CLVS1: variants seen among roughly 807,000 people sequenced by gnomAD.
The protein encoded by CLVS1 is clavesin-1.
In CLVS1, 10 loss-of-function variants were observed where a neutral mutation model predicts 33.1. That is an observed-to-expected ratio of 0.30 (90% CI 0.19 to 0.51). The LOEUF is 0.51. CLVS1 is among the 20% of genes least tolerant of loss of function. The pLI is 0.97. For synonymous variants in CLVS1, 163 were observed against 166.1 expected, an observed-to-expected ratio of 0.98 and a Z score of 0.14; for missense variants, 343 against 433.4, an observed-to-expected ratio of 0.79 and a Z score of 1.85.
rs113485205 is a variant in CLVS1 at position 61,148,561 on chromosome 8, G to C, written c.-152+16701G>C. Among the ~76,000 whole-genome samples, 369 of 152,290 alleles carry C rather than the reference G, an allele frequency of 2.4e-3. 2 individuals are homozygous for C. The highest frequency in any genetic ancestry group is 8.4e-3 in the African/African-American group (349 of 41,572). Reference sequence around the variant, plus strand: ...AGATGCCATTTTTAGTTGGCTGAGAGATTAATAATGGAGAGCTAACAAGAT... The same window carrying C: ...AGATGCCATTTTTAGTTGGCTGAGACATTAATAATGGAGAGCTAACAAGAT... On this transcript the variant is annotated intron_variant, in intron 2 of 2. Transcript: ENST00000522621.
chr8:61,195,515 A>T (rs1319833874), intron 2 of CLVS1, among the ~76,000 whole-genome samples: 3 of 151,660 alleles, frequency 2.0e-5, no homozygotes, highest in Non-Finnish European at 4.4e-5. Flanking sequence ...TTTCCCTATG[A>T]TGTGCTTATT....
At chr8:61,392,457 A>G (rs780686294) in intron 3 of CLVS1, among the ~76,000 whole-genome samples, 3 of 152,196 alleles carry the variant, frequency 2.0e-5, no homozygotes, top group African/African-American at 4.8e-5. Context: ...TCAACTATAA[A>G]TTATAAAATT....
intron 5 of CLVS1, among the ~76,000 whole-genome samples, chr8:61,468,750 A>G (rs982382272): frequency 7.6e-5 from 11 of 145,444 alleles, no homozygotes; most frequent in African/African-American, 2.3e-4. Flanking sequence ...GGTAGTTACT[A>G]TGTGCTATTT....
intron 3 of CLVS1, among the ~76,000 whole-genome samples, chr8:61,426,850 A>G (rs1294275789): frequency 6.6e-6 from 1 of 152,202 alleles, no homozygotes; most frequent in African/African-American, 2.4e-5. Context: ...TGGGCAGGAT[A>G]GAGTTTTACA....
rs1456509653 is a variant in CLVS1, at chr8:61,500,094, C to T, written c.*552C>T. On this transcript the variant is annotated 3_prime_UTR_variant, in exon 6 of 6. Transcript: ENST00000325897. ...ATTGTTCAGCCTAAGAGCATGTTCT[C>T]ATAGGTCTGGGTATTTGCAAAGTTT... The T allele has an allele frequency of 1.3e-5, 2 of 152,746 alleles. No homozygotes were observed. Among genetic ancestry groups the T allele is most frequent in the East Asian group, 3.9e-4 (2 of 5,180 alleles). 9.5% of individuals were successfully genotyped at this position (152,746 alleles called of 1,614,324 possible).
chr8:61,096,685 C>CT (rs1436168153), intron 1 of CLVS1, among the ~76,000 whole-genome samples: 1 of 152,154 alleles, frequency 6.6e-6, no homozygotes, highest in African/African-American at 2.4e-5. Flanking sequence ...GCTTCTCACT[C>CT]TAAGTGAGTG....
chr8:61,029,452 C>G, the CLVS1 span, among the ~76,000 whole-genome samples: 1 of 152,096 alleles, frequency 6.6e-6, no homozygotes, highest in African/African-American at 2.4e-5. Flanking sequence ...CCCTTCTCAT[C>G]GAGGGTTTGA....
chr8:60,991,471 T>G, the CLVS1 span, among the ~76,000 whole-genome samples: 2 of 152,218 alleles, frequency 1.3e-5, no homozygotes, highest in Non-Finnish European at 2.9e-5. Flanking sequence ...TGAAAAATAC[T>G]CTCATCTCCT....
chr8:61,156,353 G>T (rs188349325), intron 2 of CLVS1, among the ~76,000 whole-genome samples: 47 of 150,954 alleles, frequency 3.1e-4, no homozygotes, highest in African/African-American at 1.1e-3. Flanking sequence ...TCAACCATCT[G>T]GTCCCTCCTG....
chr8:61,329,482 GT>G, intron 2 of CLVS1, among the ~76,000 whole-genome samples: 1 of 152,256 alleles, frequency 6.6e-6, no homozygotes, highest in Non-Finnish European at 1.5e-5. Flanking sequence ...ATGTTAATCA[GT>G]TGGACATTTC....
intron 2 of CLVS1, among the ~76,000 whole-genome samples, chr8:61,228,571 G>A (rs995543805): frequency 6.6e-6 from 1 of 152,146 alleles, no homozygotes; most frequent in African/African-American, 2.4e-5. Flanking sequence ...ATCATAAAGT[G>A]TAGAATATTT....
Position 61,474,520 on chromosome 8 carries a change from ATCT to A in CLVS1, c.977+15989_977+15991del, listed in dbSNP as rs1447737773. On this transcript the variant is annotated intron_variant, in intron 5 of 5. Coordinates refer to ENST00000325897, the MANE Select transcript of CLVS1 (RefSeq NM_173519.3). ...ATTTTCTGACTTTGTCTTCCTCTTC[ATCT>A]TCTTCTTCTTTTGTTGAAAATGGGA... Among the ~76,000 whole-genome samples the A allele has an allele frequency of 7.2e-5, 11 of 152,288 alleles. No homozygotes were observed. In the East Asian group the frequency reaches 7.7e-4, roughly 11 times the overall value.
chr8:61,140,948 G>C (rs1806297276), intron 2 of CLVS1, among the ~76,000 whole-genome samples: 1 of 152,184 alleles, frequency 6.6e-6, no homozygotes, highest in Middle Eastern at 3.2e-3. Flanking sequence ...CCTTAACTGA[G>C]TCAGGCACCT....
At chr8:61,344,366 T>C (rs1812127442) in intron 2 of CLVS1, among the ~76,000 whole-genome samples, 1 of 152,116 alleles carries the variant, frequency 6.6e-6, no homozygotes, top group African/African-American at 2.4e-5. Flanking sequence ...TAAATTCAGA[T>C]CCAACATCCA....
intron 2 of CLVS1, among the ~76,000 whole-genome samples, chr8:61,233,883 A>T (rs2129312687): frequency 6.6e-6 from 1 of 152,358 alleles, no homozygotes; most frequent in Admixed American, 6.5e-5. Context: ...ATCCCGGGGA[A>T]TGGGAACCCA....
At chr8:61,240,023 ACTT>A (rs1187721194) in intron 2 of CLVS1, among the ~76,000 whole-genome samples, 4 of 152,238 alleles carry the variant, frequency 2.6e-5, no homozygotes, top group African/African-American at 9.6e-5. Context: ...AGACGAACTC[ACTT>A]CTTATACAAC....
At chr8:61,229,865 G>T (rs892917846) in intron 2 of CLVS1, among the ~76,000 whole-genome samples, 18 of 152,196 alleles carry the variant, frequency 1.2e-4, no homozygotes, top group Admixed American at 9.8e-4. Context: ...GACCTCAAGT[G>T]ATCTGCCCAC....
chr8:61,100,129 CT>C (rs1805422412), intron 1 of CLVS1, among the ~76,000 whole-genome samples: 1 of 152,136 alleles, frequency 6.6e-6, no homozygotes, highest in Admixed American at 6.5e-5. Flanking sequence ...TGACCAAAGG[CT>C]CCTTTCAAGG....
At chr8:61,398,820 T>C (rs1018598601) in intron 3 of CLVS1, among the ~76,000 whole-genome samples, 2 of 152,176 alleles carry the variant, frequency 1.3e-5, no homozygotes, top group Non-Finnish European at 2.9e-5. Flanking sequence ...TCTGTTCTTG[T>C]GTTAGTTTGC....
Sources: gnomAD v4.1 joint callset for allele counts (sites outside exome capture counted in the v4.1 genomes callset) on GRCh38, gnomAD v4.1.1 for gene constraint, MANE v1.5 for transcripts, NCBI Gene and HGNC (gene_info 2026-07-23, HGNC 2026-07-21) for gene names.